Variants in CABYR observed in about 807,000 individuals in gnomAD.
The protein encoded by CABYR is calcium-binding tyrosine phosphorylation-regulated protein.
Under a neutral mutation model 36.1 loss-of-function variants are expected in CABYR, and 31 were observed. That is an observed-to-expected ratio of 0.86 (90% CI 0.64 to 1.16). CABYR has a LOEUF of 1.16. Ranked by LOEUF, CABYR falls within the 50% of genes most tolerant of loss-of-function variation. The pLI, the probability that CABYR is intolerant of heterozygous loss-of-function variation, is 0.00. For missense variants in CABYR, 429 were observed against 455.8 expected (o/e 0.94, Z 0.53); for synonymous variants, 146 against 160.7 (o/e 0.91, Z 0.69).
chr18:24,142,935 A>G (rs1471442313), intron 1 of CABYR, among the ~76,000 whole-genome samples, 156 bp from the exon 2 acceptor site: 2 of 148,380 alleles, frequency 1.3e-5, no homozygotes, highest in Non-Finnish European at 3.0e-5. Flanking sequence ...CAGGACGCTG[A>G]GGCTGGAGAA....
rs8088699 is a variant in CABYR at position 24,155,269 on chromosome 18, T to C, written c.200-432T>C. ...AGTTCTAGGCACAAAGTTATGATCT[T>C]TCCCTGATGCTGACCACCTTAGGAT... On this transcript the variant is annotated intron_variant, in intron 3 of 5. Coordinates refer to ENST00000399496, the MANE Select transcript of CABYR (RefSeq NM_153769.3). Among the ~76,000 whole-genome samples, 984 of 152,316 alleles carry C rather than the reference T, an allele frequency of 6.5e-3. 12 individuals are homozygous for C. The highest frequency in any genetic ancestry group is 0.021 in the African/African-American group (891 of 41,554).
At chr18:24,157,818 C>T (rs2085832252) in intron 4 of CABYR, among the ~76,000 whole-genome samples, 1 of 152,152 alleles carries the variant, frequency 6.6e-6, no homozygotes, top group South Asian at 2.1e-4. Context: ...ACCTTCCTGC[C>T]TTATGGATAA....
chr18:24,156,187 A>G, intron 4 of CABYR, 145 bp downstream of exon 4: 2 of 1,614,180 alleles, frequency 1.2e-6, no homozygotes, highest in African/African-American at 2.7e-5. Flanking sequence ...TGTTCTGGAA[A>G]GGTGCTAGAA....
chr18:24,145,172 A>G (rs1312369019), intron 3 of CABYR, among the ~76,000 whole-genome samples: 1 of 152,176 alleles, frequency 6.6e-6, no homozygotes, highest in African/African-American at 2.4e-5. Flanking sequence ...TTGAAGTCCA[A>G]TCCATAATTT....
intron 3 of CABYR, among the ~76,000 whole-genome samples, chr18:24,148,010 T>C: frequency 6.6e-6 from 1 of 152,246 alleles, no homozygotes; most frequent in Non-Finnish European, 1.5e-5. Flanking sequence ...CCCCTCATGC[T>C]ACTGCTCCAG....
At chr18:24,156,671 A>T in intron 4 of CABYR, 1 of 1,614,196 alleles carries the variant, frequency 6.2e-7, no homozygotes, top group Non-Finnish European at 8.5e-7. Flanking sequence ...TCTCTGACAC[A>T]TCTTTGAAAG....
intron 3 of CABYR, among the ~76,000 whole-genome samples, chr18:24,149,327 T>C (rs1334347133): frequency 6.6e-6 from 1 of 152,058 alleles, no homozygotes; most frequent in Non-Finnish European, 1.5e-5. Context: ...ATACAGAGTG[T>C]TGATTGGTGC....
chr18:24,140,287 C>T (rs10853626), intron 1 of CABYR: 70,608 of 152,056 alleles, frequency 0.46, 19,732 homozygotes, highest in Non-Finnish European at 0.63. Context: ...GAAAATTAGA[C>T]ATATGATATA....
intron 3 of CABYR, among the ~76,000 whole-genome samples, chr18:24,153,410 G>A (rs548425130): frequency 1.3e-5 from 2 of 152,312 alleles, no homozygotes; most frequent in South Asian, 4.1e-4. Context: ...GAGGCACGTG[G>A]AAAAGTGTTT....
chr18:24,149,253 T>C (rs994514000), intron 3 of CABYR, among the ~76,000 whole-genome samples: 4 of 151,268 alleles, frequency 2.6e-5, no homozygotes, highest in East Asian at 2.0e-4. Flanking sequence ...AGAGTGCCGA[T>C]TGGTGTATTT....
At chr18:24,147,654 A>AAGT (rs1568458875) in intron 3 of CABYR, among the ~76,000 whole-genome samples, 1 of 152,182 alleles carries the variant, frequency 6.6e-6, no homozygotes, top group Non-Finnish European at 1.5e-5. Context: ...AGGTTTAAAA[A>AAGT]AGTACAGATA....
intron 3 of CABYR, among the ~76,000 whole-genome samples, chr18:24,144,759 A>T (rs770385716): frequency 2.6e-5 from 4 of 152,240 alleles, no homozygotes; most frequent in Non-Finnish European, 5.9e-5. Context: ...TTAATAAAGG[A>T]GCAATAGCCC....
Position 24,159,850 on chromosome 18 carries a change from A to C in CABYR, c.920A>C (p.Lys307Thr). ...GTTCCTGCAGATGAGAAATACCAGA[A>C]ACATACCCTAAGTCCCCAGAATGCT... ...IAVPADEKYQ[K>T]HTLSPQNANP... Residue 307 changes from lysine (K) to threonine (T), a missense_variant, in exon 5 of 6, where the codon AAA becomes ACA. Physicochemically the swap from Lys to Thr is moderately conservative, Grantham distance 78. Coordinates refer to ENST00000399496, the MANE Select transcript of CABYR (RefSeq NM_153769.3). 1 of 1,614,186 alleles carries C rather than the reference A, an allele frequency of 6.2e-7. No homozygotes were observed. Among genetic ancestry groups the C allele is most frequent in the African/African-American group, 1.3e-5 (1 of 75,036 alleles).
At chr18:24,156,221 T>A in intron 4 of CABYR, 179 bp downstream of exon 4, 1 of 1,614,164 alleles carries the variant, frequency 6.2e-7, no homozygotes. Flanking sequence ...ACCAAACATC[T>A]GTCCATGTAG....
chr18:24,142,818 G>A (rs1329449190), intron 1 of CABYR, among the ~76,000 whole-genome samples: 1 of 151,896 alleles, frequency 6.6e-6, no homozygotes, highest in Non-Finnish European at 1.5e-5. Flanking sequence ...AGATCATGAG[G>A]TCAGGAGATC....
At chr18:24,158,178 G>A (rs1156407366) in intron 4 of CABYR, among the ~76,000 whole-genome samples, 2 of 152,054 alleles carry the variant, frequency 1.3e-5, no homozygotes, top group African/African-American at 2.4e-5. Context: ...CACAAATTCA[G>A]ATTATCAAAA....
chr18:24,151,924 A>C (rs910642678), intron 3 of CABYR, among the ~76,000 whole-genome samples: 53 of 152,128 alleles, frequency 3.5e-4, no homozygotes, highest in African/African-American at 1.1e-3. Context: ...TCCTGGCCTC[A>C]AGTGATCTGC....
In CABYR at chr18:24,143,075, T is replaced by A. The variant is rs1157248497; in HGVS notation, c.-24-16T>A. ...TAGTAAAACTAATTACTTCTAAGAC[T>A]TTTTCTTCATTCTAGTTGAGTTACA... On this transcript the variant is annotated splice_polypyrimidine_tract_variant and intron_variant, in intron 1 of 5. Coordinates refer to ENST00000399496, the MANE Select transcript of CABYR (RefSeq NM_153769.3). The A allele has an allele frequency of 9.2e-6, 14 of 1,519,808 alleles. No individual in the cohort carries two copies. The highest frequency in any genetic ancestry group is 9.7e-6 in the Non-Finnish European group (11 of 1,130,756). The allele number at this position is 1,519,808 out of a possible 1,614,324, so 94.1% of individuals were successfully genotyped here. A position where few individuals can be genotyped will look rare whatever the true frequency, so the allele number is the denominator to read the frequency against.
intron 3 of CABYR, among the ~76,000 whole-genome samples, chr18:24,145,439 G>A (rs1052366963): frequency 6.6e-6 from 1 of 152,152 alleles, no homozygotes; most frequent in East Asian, 1.9e-4. Flanking sequence ...TCAAATTCTT[G>A]TGCAGGGAAA....
Sources: gnomAD v4.1 joint callset for allele counts (sites outside exome capture counted in the v4.1 genomes callset) on GRCh38, gnomAD v4.1.1 for gene constraint, MANE v1.5 for transcripts, NCBI Gene and HGNC (gene_info 2026-07-23, HGNC 2026-07-21) for gene names.